The following EPHX2 variants were observed in gnomAD, a reference collection of about 807,000 sequenced individuals.
EPHX2 encodes the protein bifunctional epoxide hydrolase 2.
EPHX2 carries 74 observed loss-of-function variants against 78.7 expected under a neutral mutation model. The observed-to-expected ratio is 0.94, with a 90% CI of 0.78 to 1.14. The LOEUF is 1.14. EPHX2 is among the 50% of genes most tolerant of loss of function. EPHX2 has a pLI of 0.00. For missense variants in EPHX2, 715 were observed against 702.5 expected (o/e 1.02, Z -0.20); for synonymous variants, 251 against 255.2 (o/e 0.98, Z 0.16).
At chr8:27,547,528 T>C (rs1815595546), downstream of EPHX2, among the ~76,000 whole-genome samples, 1 of 152,262 alleles carries the variant, frequency 6.6e-6, no homozygotes, top group Admixed American at 6.5e-5. Flanking sequence ...TAATTACACA[T>C]GTCATCTCAA....
chr8:27,492,403 G>C (rs991360411), intron 1 of EPHX2, among the ~76,000 whole-genome samples: 1 of 152,270 alleles, frequency 6.6e-6, no homozygotes, highest in Non-Finnish European at 1.5e-5. Context: ...CAGCTACTTG[G>C]GAGGCTAAGG....
At chr8:27,510,436 G>T (rs537871574) in intron 5 of EPHX2, among the ~76,000 whole-genome samples, 1 of 152,296 alleles carries the variant, frequency 6.6e-6, no homozygotes, top group South Asian at 2.1e-4. Context: ...ACTGAGATGG[G>T]TTAGTCTAAG....
chr8:27,508,257 C>G (rs150139235), intron 5 of EPHX2, among the ~76,000 whole-genome samples: 1 of 152,158 alleles, frequency 6.6e-6, no homozygotes, highest in Non-Finnish European at 1.5e-5. Context: ...GATTCAAGAT[C>G]GTGCTACTGC....
At chr8:27,504,322 C>T (rs1342382300) in intron 3 of EPHX2, among the ~76,000 whole-genome samples, 1 of 152,196 alleles carries the variant, frequency 6.6e-6, no homozygotes, top group Non-Finnish European at 1.5e-5. Flanking sequence ...ACTCTTCCCT[C>T]CTATTGCGTG....
intron 12 of EPHX2, 104 bp from the exon 13 acceptor site, chr8:27,536,680 A>T: frequency 1.7e-6 from 2 of 1,146,710 alleles, no homozygotes; most frequent in South Asian, 2.6e-5. Flanking sequence ...CTTGGGCTGG[A>T]TGGGGCACAG....
At chr8:27,532,841 T>C (rs1234507747) in intron 12 of EPHX2, among the ~76,000 whole-genome samples, 1 of 152,142 alleles carries the variant, frequency 6.6e-6, no homozygotes, top group Admixed American at 6.5e-5. Flanking sequence ...ATCAGCCAGG[T>C]GCAGTGGCTC....
chr8:27,515,575 A>G (rs751089595), intron 6 of EPHX2, 143 bp from the exon 7 acceptor site: 2 of 663,572 alleles, frequency 3.0e-6, no homozygotes, highest in Non-Finnish European at 5.2e-6. Flanking sequence ...TTCATGTAAC[A>G]CTGGGGTCTT....
At chr8:27,508,752 T>TTG (rs146131912) in intron 5 of EPHX2, among the ~76,000 whole-genome samples, 5 of 151,902 alleles carry the variant, frequency 3.3e-5, no homozygotes, top group East Asian at 1.9e-4. Flanking sequence ...TTTGCCATCT[T>TTG]TGTGTGTGTG....
chr8:27,501,060 G>A (rs374262086), intron 2 of EPHX2, 50 bp downstream of exon 2: 4 of 1,528,246 alleles, frequency 2.6e-6, no homozygotes, highest in South Asian at 2.3e-5. Context: ...TTCTCTGCCT[G>A]TGTGCCCATC....
chr8:27,498,827 T>C (rs1563338593), intron 1 of EPHX2, among the ~76,000 whole-genome samples: 1 of 152,220 alleles, frequency 6.6e-6, no homozygotes, highest in Non-Finnish European at 1.5e-5. Flanking sequence ...CAACTGTAAA[T>C]TTACTGCAAA....
intron 2 of EPHX2, among the ~76,000 whole-genome samples, chr8:27,501,400 C>CTTCTTCTTTCTTT (rs1813796064): frequency 1.9e-5 from 2 of 106,844 alleles, no homozygotes; most frequent in Non-Finnish European, 4.0e-5. Context: ...CTTCTTTCTT[C>CTTCTTCTTTCTTT]TTTCTTCTTT....
Position 27,522,591 on chromosome 8 carries a change from A to G in EPHX2, c.1058+83A>G. On this transcript the variant is annotated intron_variant, in intron 11 of 18. Transcript: ENST00000521400. Reference sequence around the variant, plus strand: ...AATTGTTCCTCAGATCTTTAAGCCCAGAAAACTTCTCAAAAACAAGTAGGT... The same window carrying G: ...AATTGTTCCTCAGATCTTTAAGCCCGGAAAACTTCTCAAAAACAAGTAGGT... 2.8e-6 allele frequency: 4 copies of G among 1,417,124 alleles called. No individual in the cohort carries two copies. The South Asian group carries it at 3.6e-5, about 13-fold the overall frequency. The allele number at this position is 1,417,124 out of a possible 1,614,324, so 87.8% of individuals were successfully genotyped here.
intron 5 of EPHX2, among the ~76,000 whole-genome samples, chr8:27,510,263 C>T (rs754183238): frequency 2.0e-5 from 3 of 152,214 alleles, no homozygotes; most frequent in Non-Finnish European, 4.4e-5. Context: ...ACCAATCCAG[C>T]AGTAGGATTC....
At chr8:27,500,058 C>A (rs905204412) in intron 1 of EPHX2, among the ~76,000 whole-genome samples, 1 of 152,172 alleles carries the variant, frequency 6.6e-6, no homozygotes, top group Admixed American at 6.5e-5. Flanking sequence ...TACAACCCAG[C>A]CTTAACACAG....
In EPHX2 at chr8:27,544,094, CAG is replaced by C. The variant is rs1183180659; in HGVS notation, c.1531-86_1531-85del. The stretch of plus-strand genomic sequence containing the variant: ...TTTGGGCAGGGTGGCCTGCGGGGAG[CAG>C]AGAGAAGGCGTCCATTGCCCATTGC... On this transcript the variant is annotated intron_variant, in intron 17 of 18. Coordinates refer to ENST00000521400, the MANE Select transcript of EPHX2 (RefSeq NM_001979.6). 2.8e-6 allele frequency: 4 copies of C among 1,454,082 alleles called. No individual in the cohort carries two copies. In the East Asian group the frequency reaches 9.1e-5, roughly 33 times the overall value. The allele number at this position is 1,454,082 out of a possible 1,614,324, so 90.1% of individuals were successfully genotyped here.
intron 16 of EPHX2, among the ~76,000 whole-genome samples, chr8:27,541,843 G>T (rs754898616): frequency 1.3e-5 from 2 of 152,162 alleles, no homozygotes; most frequent in Non-Finnish European, 2.9e-5. Context: ...AGGCAGGGCT[G>T]CAGATGGCCT....
At chr8:27,517,739 A>G in intron 8 of EPHX2, among the ~76,000 whole-genome samples, 1 of 152,234 alleles carries the variant, frequency 6.6e-6, no homozygotes, top group Non-Finnish European at 1.5e-5. Flanking sequence ...TCAACTCAAA[A>G]TGGATGAAAG....
chr8:27,526,833 C>T (rs575108113), intron 12 of EPHX2, among the ~76,000 whole-genome samples: 9 of 152,266 alleles, frequency 5.9e-5, no homozygotes, highest in African/African-American at 2.2e-4. Flanking sequence ...CACTGCAGCC[C>T]CGACCTCTCC....
Position 27,500,966 on chromosome 8 carries a change from G to C in EPHX2, c.142G>C (p.Gly48Arg). The change falls in exon 2 of 19, where the codon GGT (glycine) becomes CGT (arginine). Residue 48 changes from glycine (G) to arginine (R), a missense_variant. Coordinates refer to ENST00000521400, the MANE Select transcript of EPHX2 (RefSeq NM_001979.6). Reference sequence around the variant, plus strand: ...TGCTTTCCAGAAAGGGGGACCAGAGGGTGCCACTACCCGGCTTATGAAAGG... The same window carrying C: ...TGCTTTCCAGAAAGGGGGACCAGAGCGTGCCACTACCCGGCTTATGAAAGG... ...NDAFQKGGPE[G>R]ATTRLMKGEI... 6.2e-7 allele frequency: 1 copy of C among 1,613,390 alleles called. No individual in the cohort carries two copies. Among genetic ancestry groups the C allele is most frequent in the Non-Finnish European group, 8.5e-7 (1 of 1,179,694 alleles).
Sources: gnomAD v4.1 joint callset for allele counts (sites outside exome capture counted in the v4.1 genomes callset) on GRCh38, gnomAD v4.1.1 for gene constraint, MANE v1.5 for transcripts, NCBI Gene and HGNC (gene_info 2026-07-23, HGNC 2026-07-21) for gene names.